LPXN: variants seen among roughly 807,000 people sequenced by gnomAD.
LPXN encodes the protein leupaxin.
A neutral mutation model predicts 45.6 loss-of-function variants in LPXN; 28 were observed. The observed-to-expected ratio is 0.61, with a 90% confidence interval of 0.45 to 0.84. The LOEUF (loss-of-function observed/expected upper bound fraction) is 0.84. Among genes scored for constraint, LPXN ranks in the 40% least tolerant of loss-of-function variants. LPXN has a pLI of 0.00. For missense variants in LPXN, 459 were observed against 475.0 expected, an observed-to-expected ratio of 0.97 and a Z score of 0.31; for synonymous variants, 166 against 169.9, an observed-to-expected ratio of 0.98 and a Z score of 0.18.
At position 58,551,201 on chromosome 11, in the gene LPXN, T is replaced by C; in HGVS notation, c.350A>G (p.His117Arg). Residue 117 changes from histidine to arginine, a missense_variant, in exon 5 of 9, where the codon CAC becomes CGC. Physicochemically the swap from His to Arg is conservative, Grantham distance 29. Transcript: ENST00000395074. ...CTTGTGATCCTGCTTGTCTGGTAAG[T>C]GCTTCTTGCCAGCATCTGCTCTCAC... is the stretch of plus-strand genomic sequence containing the variant. Reference protein sequence around the residue: ...VAVRADAGKKHLPDKQDHKAS... With the variant: ...VAVRADAGKKRLPDKQDHKAS... 1 of 1,610,954 alleles carries C rather than the reference T, an allele frequency of 6.2e-7. No homozygotes were observed. Among genetic ancestry groups the C allele is most frequent in the Non-Finnish European group, 8.5e-7 (1 of 1,178,638 alleles).
chr11:58,560,294 C>T (rs1854334915), intron 3 of LPXN, among the ~76,000 whole-genome samples: 1 of 152,152 alleles, frequency 6.6e-6, no homozygotes, highest in Admixed American at 6.5e-5. Flanking sequence ...GTTCTACAAA[C>T]AATCTTCAGT....
chr11:58,552,297 A>C (rs1453246790), intron 4 of LPXN, among the ~76,000 whole-genome samples: 2 of 151,978 alleles, frequency 1.3e-5, no homozygotes, highest in Non-Finnish European at 2.9e-5. Flanking sequence ...AACCATTCAA[A>C]GAAGGATCCT....
chr11:58,561,490 C>A (rs955563694), intron 3 of LPXN, among the ~76,000 whole-genome samples: 1 of 152,106 alleles, frequency 6.6e-6, no homozygotes, highest in African/African-American at 2.4e-5. Flanking sequence ...GTCAAGTATG[C>A]AAGTAATTGA....
At chr11:58,549,653 G>T (rs2120317240) in intron 7 of LPXN, 133 bp downstream of exon 7, 8 of 637,544 alleles carry the variant, frequency 1.3e-5, no homozygotes, top group East Asian at 1.1e-4. Context: ...GGGAGGGATG[G>T]TATCTAGTAC....
intron 3 of LPXN, 55 bp downstream of exon 3, chr11:58,564,100 T>C: frequency 1.8e-6 from 2 of 1,092,452 alleles, no homozygotes; most frequent in Middle Eastern, 2.5e-4. Flanking sequence ...CAAAGATTGA[T>C]AACAATTATC....
At chr11:58,547,870 G>A (rs1853922352) in intron 7 of LPXN, among the ~76,000 whole-genome samples, 1 of 152,090 alleles carries the variant, frequency 6.6e-6, no homozygotes, top group African/African-American at 2.4e-5. Flanking sequence ...CTTCCCCACT[G>A]AGTTCATTCT....
chr11:58,573,257 A>G (rs1440336201), intron 1 of LPXN, among the ~76,000 whole-genome samples: 2 of 151,634 alleles, frequency 1.3e-5, no homozygotes, highest in Non-Finnish European at 1.5e-5. Context: ...AAAAAAAAAA[A>G]AAAAGAAAAG....
At position 58,528,176 on chromosome 11, in the gene LPXN, T is replaced by C; in HGVS notation, c.758A>G (p.Asp253Gly). The C allele has an allele frequency of 1.2e-6, 2 of 1,614,206 alleles. No individual in the cohort carries two copies. Among genetic ancestry groups the C allele is most frequent in the Non-Finnish European group, 1.7e-6 (2 of 1,180,024 alleles). ...ATCCTTTCGGCAATATGGCTTCTTG[T>C]CCTTCTCATGAAAGCCTGGAGAGAT... is the stretch of plus-strand genomic sequence containing the variant. ...VFGAEGFHEK[D>G]KKPYCRKDFL... Residue 253 changes from aspartate to glycine, a missense_variant, in exon 8 of 9, where the codon GAC (aspartate) becomes GGC (glycine). Physicochemically the swap from Asp to Gly is moderately conservative, Grantham distance 94. Transcript: ENST00000395074.
At chr11:58,578,404 A>C (rs1854979815), upstream of LPXN, among the ~76,000 whole-genome samples, 1 of 152,008 alleles carries the variant, frequency 6.6e-6, no homozygotes, top group Non-Finnish European at 1.5e-5. Flanking sequence ...ATCTCCCAGA[A>C]TGCCCTTGGT....
intron 5 of LPXN, among the ~76,000 whole-genome samples, chr11:58,550,573 C>T (rs1171143375): frequency 6.6e-6 from 1 of 152,190 alleles, no homozygotes; most frequent in Non-Finnish European, 1.5e-5. Context: ...GGTCTCAAAG[C>T]TTTTTATCAT....
intron 4 of LPXN, chr11:58,553,759 T>A (rs1373860560): frequency 6.6e-6 from 1 of 152,222 alleles, no homozygotes; most frequent in Non-Finnish European, 1.5e-5. Context: ...ATGGTTGGAT[T>A]CTCCACCTTA....
At chr11:58,570,159 T>A (rs2134351871) in intron 2 of LPXN, among the ~76,000 whole-genome samples, 5 of 151,976 alleles carry the variant, frequency 3.3e-5, no homozygotes, top group Admixed American at 3.3e-4. Flanking sequence ...AAAAATTAGC[T>A]GGGCATGGTG....
upstream of LPXN, among the ~76,000 whole-genome samples, chr11:58,577,124 A>G (rs963722789): frequency 5.3e-5 from 8 of 151,542 alleles, no homozygotes; most frequent in Non-Finnish European, 1.0e-4. Flanking sequence ...GGAATAATTC[A>G]TTCTCCATTC....
intron 7 of LPXN, among the ~76,000 whole-genome samples, chr11:58,537,168 C>A (rs1353287469): frequency 2.0e-5 from 3 of 152,152 alleles, no homozygotes; most frequent in Non-Finnish European, 4.4e-5. Flanking sequence ...TGGGTATATA[C>A]CCAAAGCATT....
chr11:58,532,860 A>C (rs1249292447), intron 7 of LPXN, among the ~76,000 whole-genome samples: 1 of 152,200 alleles, frequency 6.6e-6, no homozygotes, highest in Admixed American at 6.5e-5. Context: ...TCTTTGCAAT[A>C]AATCTTGCTG....
intron 4 of LPXN, among the ~76,000 whole-genome samples, chr11:58,552,041 T>A (rs1449756135): frequency 1.3e-5 from 2 of 152,176 alleles, no homozygotes; most frequent in African/African-American, 4.8e-5. Flanking sequence ...AACCTCATGG[T>A]AAACGCTTGG....
intron 2 of LPXN, among the ~76,000 whole-genome samples, chr11:58,568,582 G>A (rs1437134837): frequency 2.7e-5 from 4 of 147,718 alleles, no homozygotes; most frequent in Non-Finnish European, 4.5e-5. Flanking sequence ...CAGCCTGCAC[G>A]ACAGAAAGAG....
intron 5 of LPXN, among the ~76,000 whole-genome samples, chr11:58,550,834 T>C (rs1854026973): frequency 6.6e-6 from 1 of 152,224 alleles, no homozygotes; most frequent in Non-Finnish European, 1.5e-5. Flanking sequence ...CTCTGAGTCC[T>C]CAGTTTCCTC....
At chr11:58,530,119 A>C (rs1167237232) in intron 7 of LPXN, among the ~76,000 whole-genome samples, 1 of 152,218 alleles carries the variant, frequency 6.6e-6, no homozygotes, top group African/African-American at 2.4e-5. Context: ...CTGTATGGGC[A>C]AACACTGAGC....
Sources: gnomAD v4.1 joint callset for allele counts (sites outside exome capture counted in the v4.1 genomes callset) on GRCh38, gnomAD v4.1.1 for gene constraint, MANE v1.5 for transcripts, NCBI Gene and HGNC (gene_info 2026-07-23, HGNC 2026-07-21) for gene names.